Variants in SLC25A48 observed in about 807,000 individuals in gnomAD.
The protein encoded by SLC25A48 is CTC-321K16.1.
In SLC25A48, 29 loss-of-function variants were observed where a neutral mutation model predicts 32.2. That is an observed-to-expected ratio of 0.90 (90% CI 0.67 to 1.23). SLC25A48 has a LOEUF of 1.23. Ranked by LOEUF, SLC25A48 falls within the 50% of genes most tolerant of loss-of-function variation. SLC25A48 has a pLI of 0.00. For synonymous variants in SLC25A48, 164 were observed against 172.3 expected, an observed-to-expected ratio of 0.95 and a Z score of 0.38; for missense variants, 399 against 422.7, an observed-to-expected ratio of 0.94 and a Z score of 0.49.
intron 3 of SLC25A48, among the ~76,000 whole-genome samples, chr5:135,750,099 A>G (rs914849824): frequency 1.3e-5 from 2 of 152,214 alleles, no homozygotes; most frequent in African/African-American, 4.8e-5. Context: ...TCCCACAAGC[A>G]TAACAAATAA....
chr5:135,584,846 CCT>C (rs1561745695), intron 1 of SLC25A48, among the ~76,000 whole-genome samples: 1 of 152,224 alleles, frequency 6.6e-6, no homozygotes, highest in Non-Finnish European at 1.5e-5. Flanking sequence ...AAAACAGTAA[CCT>C]CTGTACAAAG....
At chr5:135,636,759 T>C (rs1413537827) in intron 3 of SLC25A48, among the ~76,000 whole-genome samples, 1 of 152,248 alleles carries the variant, frequency 6.6e-6, no homozygotes, top group Admixed American at 6.5e-5. Flanking sequence ...TCTTTAGATA[T>C]TGGACTCTGG....
At chr5:135,812,328 C>A (rs2126652119) in intron 3 of SLC25A48, among the ~76,000 whole-genome samples, 1 of 152,190 alleles carries the variant, frequency 6.6e-6, no homozygotes, top group Non-Finnish European at 1.5e-5. Flanking sequence ...CCCATTTATA[C>A]TTTTTTAGTT....
intron 3 of SLC25A48, among the ~76,000 whole-genome samples, chr5:135,737,249 C>T (rs1254998209): frequency 6.6e-6 from 1 of 151,394 alleles, no homozygotes; most frequent in Non-Finnish European, 1.5e-5. Context: ...TGGAAAATTA[C>T]TGTCAAAGGG....
chr5:135,681,274 G>A (rs1753891510), intron 3 of SLC25A48, among the ~76,000 whole-genome samples: 2 of 152,118 alleles, frequency 1.3e-5, no homozygotes, highest in South Asian at 4.1e-4. Context: ...GTGCCCAGCT[G>A]TGTTTCATTT....
intron 3 of SLC25A48, among the ~76,000 whole-genome samples, chr5:135,719,383 G>A (rs1754892321): frequency 1.3e-5 from 2 of 152,300 alleles, no homozygotes; most frequent in South Asian, 2.1e-4. Flanking sequence ...TGTCTCAGGA[G>A]TGGGCTGGGG....
intron 3 of SLC25A48, among the ~76,000 whole-genome samples, chr5:135,675,245 C>T (rs1336992637): frequency 6.6e-6 from 1 of 151,972 alleles, no homozygotes; most frequent in African/African-American, 2.4e-5. Flanking sequence ...AGACATTAGT[C>T]CATTGTTAGA....
intron 3 of SLC25A48, among the ~76,000 whole-genome samples, chr5:135,727,206 G>A (rs994030412): frequency 1.1e-4 from 15 of 135,032 alleles, no homozygotes; most frequent in African/African-American, 1.8e-4. Context: ...ATATATATAC[G>A]TGTGTATAGT....
At chr5:135,776,215 G>A (rs1291294826) in intron 3 of SLC25A48, among the ~76,000 whole-genome samples, 2 of 146,480 alleles carry the variant, frequency 1.4e-5, no homozygotes, top group Non-Finnish European at 3.0e-5. Flanking sequence ...TGATATTACT[G>A]TCAATATCTC....
intron 2 of SLC25A48, among the ~76,000 whole-genome samples, chr5:135,843,442 G>A (rs1366363374): frequency 1.3e-5 from 2 of 152,222 alleles, no homozygotes; most frequent in African/African-American, 4.8e-5. Flanking sequence ...GGACTCAGGA[G>A]TGAGGGAGGC....
chr5:135,627,287 GTAT>G (rs1266747132), intron 1 of SLC25A48, among the ~76,000 whole-genome samples: 2 of 152,156 alleles, frequency 1.3e-5, no homozygotes, highest in Non-Finnish European at 2.9e-5. Flanking sequence ...AAGAAGCAGG[GTAT>G]TTCTCCTCAT....
At chr5:135,771,244 C>T (rs755623714) in intron 3 of SLC25A48, among the ~76,000 whole-genome samples, 1 of 151,350 alleles carries the variant, frequency 6.6e-6, no homozygotes. Context: ...CCCCATATCA[C>T]GGGAATTGTA....
intron 3 of SLC25A48, among the ~76,000 whole-genome samples, chr5:135,805,460 C>T (rs1757440874): frequency 6.6e-6 from 1 of 151,474 alleles, no homozygotes; most frequent in East Asian, 1.9e-4. Context: ...GCTGTGCATA[C>T]ACCCTGGAAA....
At chr5:135,709,783 C>T (rs568424237) in intron 3 of SLC25A48, among the ~76,000 whole-genome samples, 2 of 152,182 alleles carry the variant, frequency 1.3e-5, no homozygotes, top group African/African-American at 4.8e-5. Flanking sequence ...TAAGATAATG[C>T]CTTATGAGTT....
chr5:135,885,886 A>G (rs1290866912), intron 7 of SLC25A48, among the ~76,000 whole-genome samples: 5 of 152,340 alleles, frequency 3.3e-5, no homozygotes, highest in African/African-American at 1.2e-4. Context: ...GCAACATTGT[A>G]AGTGCAGAAA....
chr5:135,797,653 G>T (rs144488766), intron 3 of SLC25A48, among the ~76,000 whole-genome samples: 336 of 151,828 alleles, frequency 2.2e-3, no homozygotes, highest in African/African-American at 7.6e-3. Flanking sequence ...CCTCCCTTGT[G>T]ATATTGTTCC....
intron 3 of SLC25A48, among the ~76,000 whole-genome samples, chr5:135,651,169 C>T (rs1401721966): frequency 3.3e-5 from 5 of 152,178 alleles, no homozygotes; most frequent in East Asian, 1.9e-4. Context: ...ATGCTTTCTC[C>T]AGGCTTAGGT....
intron 3 of SLC25A48, among the ~76,000 whole-genome samples, chr5:135,722,880 A>T (rs1367450938): frequency 6.6e-6 from 1 of 152,180 alleles, no homozygotes. Flanking sequence ...TTTTCATCTC[A>T]TTTAGCTTTT....
chr5:135,683,468 C>T (rs557126574), intron 3 of SLC25A48, among the ~76,000 whole-genome samples: 1 of 152,148 alleles, frequency 6.6e-6, no homozygotes, highest in South Asian at 2.1e-4. Flanking sequence ...TGGCATGTTG[C>T]AGTTCTGTAT....
Sources: allele counts gnomAD v4.1 joint callset (sites outside exome capture counted in the v4.1 genomes callset), GRCh38; gene constraint gnomAD v4.1.1; transcripts MANE v1.5; gene names NCBI Gene and HGNC (gene_info 2026-07-23, HGNC 2026-07-21).